Variants in PDZRN4 observed in about 807,000 individuals in gnomAD.
PDZRN4 encodes the protein PDZ domain-containing RING finger protein 4.
A neutral mutation model predicts 99.0 loss-of-function variants in PDZRN4; 70 were observed. The observed-to-expected ratio is 0.71, with a 90% CI of 0.58 to 0.86. The LOEUF is 0.86. PDZRN4 is among the 40% of genes least tolerant of loss of function. The pLI, the probability that PDZRN4 is intolerant of heterozygous loss-of-function variation, is 0.00. For missense variants in PDZRN4, 1,474 were observed against 1,331.2 expected (o/e 1.11, Z -1.67); for synonymous variants, 551 against 501.6 (o/e 1.10, Z -1.32).
intron 3 of PDZRN4, among the ~76,000 whole-genome samples, chr12:41,410,193 G>C (rs1320166950): frequency 6.6e-6 from 1 of 152,060 alleles, no homozygotes; most frequent in Non-Finnish European, 1.5e-5. Context: ...ATTTCTCCCA[G>C]AATAATTTCT....
intron 3 of PDZRN4, among the ~76,000 whole-genome samples, chr12:41,252,822 A>G (rs1227498614): frequency 6.6e-6 from 1 of 152,198 alleles, no homozygotes; most frequent in Non-Finnish European, 1.5e-5. Context: ...AGAATTTACA[A>G]TAAATGAACA....
chr12:41,534,409 T>A (rs1245790421), intron 5 of PDZRN4, among the ~76,000 whole-genome samples: 1 of 152,074 alleles, frequency 6.6e-6, no homozygotes, highest in Non-Finnish European at 1.5e-5. Context: ...AAGCCCAGGA[T>A]GGATTAGCTA....
intron 3 of PDZRN4, among the ~76,000 whole-genome samples, chr12:41,259,449 T>C (rs577890675): frequency 6.6e-6 from 1 of 152,172 alleles, no homozygotes; most frequent in African/African-American, 2.4e-5. Flanking sequence ...AATATTGTAA[T>C]ACTGCATTTT....
chr12:41,529,711 T>G (rs980783694), intron 5 of PDZRN4, among the ~76,000 whole-genome samples: 1 of 152,226 alleles, frequency 6.6e-6, no homozygotes, highest in African/African-American at 2.4e-5. Context: ...CCTATGTTTT[T>G]GTGGGAGTTC....
At chr12:41,306,361 G>T (rs1951569502) in intron 3 of PDZRN4, among the ~76,000 whole-genome samples, 2 of 152,170 alleles carry the variant, frequency 1.3e-5, no homozygotes, top group African/African-American at 2.4e-5. Flanking sequence ...AATTGCCTTT[G>T]GGGCCATTCT....
chr12:41,547,303 G>C (rs960349608), intron 5 of PDZRN4, among the ~76,000 whole-genome samples: 2 of 152,130 alleles, frequency 1.3e-5, no homozygotes, highest in Admixed American at 1.3e-4. Context: ...TGGTTCCCTA[G>C]TTGTCACAGC....
chr12:41,272,349 A>T (rs1951319803), intron 3 of PDZRN4, among the ~76,000 whole-genome samples: 1 of 152,098 alleles, frequency 6.6e-6, no homozygotes, highest in Admixed American at 6.6e-5. Context: ...ACAGATCAGG[A>T]TCTTCAAATA....
At chr12:41,232,051 A>C (rs1174108456) in intron 3 of PDZRN4, among the ~76,000 whole-genome samples, 2 of 151,772 alleles carry the variant, frequency 1.3e-5, no homozygotes, top group African/African-American at 4.8e-5. Flanking sequence ...GTATATAAAA[A>C]AATTTTTTTT....
chr12:41,228,380 A>G (rs1165235707), intron 3 of PDZRN4, among the ~76,000 whole-genome samples: 1 of 152,164 alleles, frequency 6.6e-6, no homozygotes, highest in African/African-American at 2.4e-5. Context: ...TGACTACAGA[A>G]TAATTTTTTG....
chr12:41,494,667 G>T (rs2608699), intron 3 of PDZRN4, among the ~76,000 whole-genome samples: 18,023 of 151,968 alleles, frequency 0.12, 1,123 homozygotes, highest in African/African-American at 0.15. Context: ...ATTAATTTGA[G>T]AAAGTTAAGG....
At chr12:41,508,033 G>C (rs986741032) in intron 4 of PDZRN4, among the ~76,000 whole-genome samples, 5 of 152,106 alleles carry the variant, frequency 3.3e-5, no homozygotes, top group African/African-American at 1.2e-4. Flanking sequence ...GCTTGTATTA[G>C]CTAACTTAAC....
intron 3 of PDZRN4, among the ~76,000 whole-genome samples, chr12:41,454,844 T>C (rs1952805106): frequency 6.6e-6 from 1 of 152,234 alleles, no homozygotes; most frequent in Admixed American, 6.5e-5. Context: ...ACCAACACTT[T>C]CCAATAGAAA....
intron 3 of PDZRN4, among the ~76,000 whole-genome samples, chr12:41,483,321 G>A (rs994924912): frequency 1.3e-5 from 2 of 152,074 alleles, no homozygotes; most frequent in African/African-American, 4.8e-5. Context: ...CTTACTAAAA[G>A]AGAAGGATAT....
intron 3 of PDZRN4, among the ~76,000 whole-genome samples, chr12:41,230,201 C>T (rs981578700): frequency 2.0e-5 from 3 of 151,860 alleles, no homozygotes; most frequent in Non-Finnish European, 2.9e-5. Context: ...AGAGTACACA[C>T]GCTCTTTAGG....
intron 3 of PDZRN4, among the ~76,000 whole-genome samples, chr12:41,348,658 C>T (rs1158263632): frequency 2.0e-5 from 3 of 152,046 alleles, no homozygotes; most frequent in African/African-American, 7.2e-5. Flanking sequence ...AGAAAGCACT[C>T]TGCTGCATAC....
intron 3 of PDZRN4, among the ~76,000 whole-genome samples, chr12:41,207,174 G>T (rs17129114): frequency 1.3e-5 from 2 of 151,710 alleles, no homozygotes; most frequent in East Asian, 3.9e-4. Context: ...TTGTAACACA[G>T]AACTTTATAA....
chr12:41,238,179 C>A (rs1951079161), intron 3 of PDZRN4, among the ~76,000 whole-genome samples: 1 of 151,978 alleles, frequency 6.6e-6, no homozygotes. Flanking sequence ...TTGAAGAGGG[C>A]CTTCACTTTC....
chr12:41,274,979 G>T (rs1951340710), intron 3 of PDZRN4, among the ~76,000 whole-genome samples: 1 of 152,126 alleles, frequency 6.6e-6, no homozygotes, highest in Non-Finnish European at 1.5e-5. Context: ...TCAGGCCCAA[G>T]AGCTCATTGG....
intron 3 of PDZRN4, among the ~76,000 whole-genome samples, chr12:41,448,008 G>A (rs778893267): frequency 8.6e-5 from 13 of 151,958 alleles, no homozygotes; most frequent in South Asian, 2.1e-4. Flanking sequence ...TGCTCTTTTC[G>A]GCATAGGAAG....
Sources: gnomAD v4.1 joint callset for allele counts (sites outside exome capture counted in the v4.1 genomes callset) on GRCh38, gnomAD v4.1.1 for gene constraint, MANE v1.5 for transcripts, NCBI Gene and HGNC (gene_info 2026-07-23, HGNC 2026-07-21) for gene names.